Variants in ALG13 observed in about 807,000 individuals in gnomAD.
ALG13 encodes the protein ALG13 UDP-N-acetylglucosaminyltransferase subunit.
Under a neutral mutation model 87.8 loss-of-function variants are expected in ALG13, and 11 were observed. The observed-to-expected ratio is 0.13, with a 90% CI of 0.08 to 0.21. The LOEUF is 0.21. Among genes scored for constraint, ALG13 ranks in the 10% least tolerant of loss-of-function variants. The pLI is 1.00. For synonymous variants in ALG13, 320 were observed against 306.3 expected (o/e 1.04, Z -0.47); for missense variants, 756 against 866.1 (o/e 0.87, Z 1.60).
At chrX:111,742,984 G>A (rs776391723) in intron 23 of ALG13, among the ~76,000 whole-genome samples, 4 of 112,113 alleles carry the variant, frequency 3.6e-5, no homozygotes, top group Non-Finnish European at 7.5e-5. Context: ...CATCTCTATA[G>A]AAACTTGAAA....
chrX:111,728,956 T>G (rs1942377440), intron 19 of ALG13, among the ~76,000 whole-genome samples: 1 of 111,760 alleles, frequency 8.9e-6, no homozygotes, highest in South Asian at 3.8e-4. Context: ...AGATATAATT[T>G]ACATATCATA....
At chrX:111,753,975 GAA>G (rs764361366) in intron 25 of ALG13, among the ~76,000 whole-genome samples, 3 of 111,542 alleles carry the variant, frequency 2.7e-5, no homozygotes, top group Non-Finnish European at 5.6e-5. Context: ...AACAAAAAAA[GAA>G]AATTTCAGGC....
At chrX:111,681,791 G>C in intron 1 of ALG13, 2 of 835,878 alleles carry the variant, frequency 2.4e-6, no homozygotes, top group Non-Finnish European at 2.9e-6. Context: ...AGCGCGCGTC[G>C]TCCCCTCAGG....
chrX:111,746,803 G>A (rs965382887), intron 24 of ALG13, among the ~76,000 whole-genome samples: 2 of 111,978 alleles, frequency 1.8e-5, no homozygotes, highest in Non-Finnish European at 3.8e-5. Flanking sequence ...CACCAGCAGC[G>A]TATGAGAATT....
intron 14 of ALG13, 79 bp from the exon 15 acceptor site, chrX:111,724,855 T>C (rs983401389): frequency 2.0e-6 from 2 of 1,013,664 alleles, no homozygotes; most frequent in East Asian, 3.1e-5. Flanking sequence ...ACTTGAAGTA[T>C]AAGGGGTGGG....
chrX:111,694,626 T>A (rs1233977352), intron 3 of ALG13, among the ~76,000 whole-genome samples: 2 of 112,083 alleles, frequency 1.8e-5, no homozygotes, highest in African/African-American at 6.5e-5. Flanking sequence ...GCTACTAAAG[T>A]ACTTGGTTGC....
intron 22 of ALG13, among the ~76,000 whole-genome samples, chrX:111,735,911 A>G (rs777974386): frequency 9.0e-6 from 1 of 110,616 alleles, no homozygotes; most frequent in East Asian, 2.8e-4. Flanking sequence ...CTGTGGAAAA[A>G]TAGTTTATTC....
At chrX:111,745,115 C>T (rs887188381) in intron 24 of ALG13, among the ~76,000 whole-genome samples, 2 of 111,129 alleles carry the variant, frequency 1.8e-5, no homozygotes, top group Middle Eastern at 4.7e-3. Context: ...GTTGAGTTGA[C>T]GTGTGCTGCT....
intron 6 of ALG13, among the ~76,000 whole-genome samples, 162 bp from the exon 7 acceptor site, chrX:111,712,322 A>C (rs1362916858): frequency 8.9e-6 from 1 of 111,756 alleles, no homozygotes; most frequent in Non-Finnish European, 1.9e-5. Flanking sequence ...TTATGTTAAT[A>C]AGTAGCTATC....
At chrX:111,693,195 G>C (rs1466663395) in intron 3 of ALG13, among the ~76,000 whole-genome samples, 6 of 99,184 alleles carry the variant, frequency 6.0e-5, no homozygotes, top group African/African-American at 2.2e-4. Flanking sequence ...TTGGTAGGCG[G>C]CTAAACAAAA....
chrX:111,691,971 C>A (rs1177494849), intron 3 of ALG13, among the ~76,000 whole-genome samples: 1 of 111,841 alleles, frequency 8.9e-6, no homozygotes, highest in Non-Finnish European at 1.9e-5. Context: ...AGCATTCCCA[C>A]AGCTTCTACT....
chrX:111,722,211 G>A (rs973029228), intron 12 of ALG13, among the ~76,000 whole-genome samples: 1 of 112,134 alleles, frequency 8.9e-6, no homozygotes, highest in African/African-American at 3.2e-5. Context: ...AGCAGAGTTT[G>A]AGTAGTTCTG....
At chrX:111,722,531 T>C in intron 12 of ALG13, among the ~76,000 whole-genome samples, 1 of 112,538 alleles carries the variant, frequency 8.9e-6, no homozygotes, top group Middle Eastern at 4.6e-3. Context: ...ACCTCGTTAG[T>C]GTTTGACTAT....
At chrX:111,717,231 A>T (rs998089479) in intron 8 of ALG13, among the ~76,000 whole-genome samples, 1 of 111,882 alleles carries the variant, frequency 8.9e-6, no homozygotes, top group African/African-American at 3.2e-5. Context: ...TTTTGGGAAA[A>T]AAAAACCTCT....
chrX:111,726,237 T>TTG (rs1299057100), intron 15 of ALG13, among the ~76,000 whole-genome samples: 2 of 96,503 alleles, frequency 2.1e-5, no homozygotes, highest in African/African-American at 7.8e-5. Context: ...GTTTTGTTTT[T>TTG]TTTTTTTTTT....
chrX:111,719,030 T>C (rs1941030985), intron 10 of ALG13, among the ~76,000 whole-genome samples: 1 of 99,891 alleles, frequency 1.0e-5, no homozygotes, highest in Non-Finnish European at 2.0e-5. Flanking sequence ...TTTTTCTTTT[T>C]TTTTTTTTTT....
At chrX:111,697,061 A>G (rs1937073951) in intron 3 of ALG13, among the ~76,000 whole-genome samples, 1 of 103,750 alleles carries the variant, frequency 9.6e-6, no homozygotes, top group Non-Finnish European at 1.9e-5. Context: ...ACAGCCATCC[A>G]TATTTAAGCA....
intron 10 of ALG13, 117 bp downstream of exon 10, chrX:111,718,391 CAT>C (rs1408341181): frequency 8.8e-6 from 5 of 570,245 alleles, no homozygotes; most frequent in South Asian, 3.9e-5. Context: ...CACACGTACA[CAT>C]ATGTTAGGAT....
At chrX:111,751,734 T>A (rs200884412) in intron 24 of ALG13, among the ~76,000 whole-genome samples, 1 of 111,417 alleles carries the variant, frequency 9.0e-6, no homozygotes, top group Non-Finnish European at 1.9e-5. Context: ...TAAAAAAAAA[T>A]GGCAATAAAT....
Sources: allele counts gnomAD v4.1 joint callset (sites outside exome capture counted in the v4.1 genomes callset), GRCh38; gene constraint gnomAD v4.1.1; transcripts MANE v1.5; gene names NCBI Gene and HGNC (gene_info 2026-07-23, HGNC 2026-07-21).